SNTB1: variants seen among roughly 807,000 people sequenced by gnomAD.
SNTB1 encodes beta-1-syntrophin.
In SNTB1, 36 loss-of-function variants were observed where a neutral mutation model predicts 48.9. The ratio of observed to expected loss-of-function variants is 0.74; its 90% CI spans 0.56 to 0.97. SNTB1 has a LOEUF of 0.97. SNTB1 is among the 50% of genes least tolerant of loss of function. SNTB1 has a pLI of 0.00. For missense variants in SNTB1, 786 were observed against 703.4 expected (o/e 1.12, Z -1.33); for synonymous variants, 299 against 294.6 (o/e 1.01, Z -0.15).
intron 3 of SNTB1, among the ~76,000 whole-genome samples, chr8:120,625,467 TGCAGAAAAGTGG>T (rs1816858701): frequency 6.6e-6 from 1 of 152,242 alleles, no homozygotes; most frequent in African/African-American, 2.4e-5. Flanking sequence ...TGTGAAGGCA[TGCAGAAAAGTGG>T]GCATATTTCA....
At chr8:120,566,329 CAAAAA>C (rs71306894) in intron 4 of SNTB1, among the ~76,000 whole-genome samples, 2 of 78,294 alleles carry the variant, frequency 2.6e-5, no homozygotes, top group Non-Finnish European at 4.9e-5. Flanking sequence ...GACTCTGTCT[CAAAAA>C]AAAAAAAAAA....
intron 1 of SNTB1, chr8:120,769,627 A>G (rs1819584713): frequency 6.6e-6 from 1 of 152,226 alleles, no homozygotes; most frequent in Non-Finnish European, 1.5e-5. Context: ...CCACATGGAG[A>G]CACTGTACAG....
rs557979527 is a variant in SNTB1, at chr8:120,805,466, G to A, written c.571+5807C>T. On this transcript the variant is annotated intron_variant, in intron 1 of 6. Transcript: ENST00000517992. ...ATTTGATGTGAGAAGGAATTAGACCGCCATTGCAGGCTTTCAAAATGGAAT... is the reference window on the plus strand; with the variant it reads ...ATTTGATGTGAGAAGGAATTAGACCACCATTGCAGGCTTTCAAAATGGAAT... Among the ~76,000 whole-genome samples the A allele has an allele frequency of 2.2e-4, 33 of 152,194 alleles. No homozygotes were observed. In the South Asian group the frequency reaches 3.7e-3, roughly 17 times the overall value.
At chr8:120,728,932 G>A (rs759264142) in intron 1 of SNTB1, among the ~76,000 whole-genome samples, 4 of 151,624 alleles carry the variant, frequency 2.6e-5, no homozygotes, top group Non-Finnish European at 4.4e-5. Context: ...CACAAACCGT[G>A]TATAAATGTT....
At chr8:120,566,937 T>C (rs1243764698) in intron 4 of SNTB1, among the ~76,000 whole-genome samples, 2 of 152,200 alleles carry the variant, frequency 1.3e-5, no homozygotes, top group Non-Finnish European at 2.9e-5. Flanking sequence ...AGAAAACTTT[T>C]ATATATGATA....
chr8:120,626,144 T>C (rs1816878631), intron 3 of SNTB1, among the ~76,000 whole-genome samples: 1 of 152,108 alleles, frequency 6.6e-6, no homozygotes, highest in Non-Finnish European at 1.5e-5. Context: ...GATGAGTAAA[T>C]TGCTATTGTT....
intron 1 of SNTB1, chr8:120,775,264 A>C (rs558200700): frequency 6.6e-6 from 1 of 151,910 alleles, no homozygotes; most frequent in East Asian, 1.9e-4. Context: ...TACCGAAAAA[A>C]CTCATTGCAG....
chr8:120,807,731 C>T (rs1042386462), intron 1 of SNTB1, among the ~76,000 whole-genome samples: 2 of 151,994 alleles, frequency 1.3e-5, no homozygotes, highest in African/African-American at 4.8e-5. Flanking sequence ...CTGATTTGTC[C>T]CCAGCACTTC....
intron 4 of SNTB1, among the ~76,000 whole-genome samples, chr8:120,556,713 G>T (rs765333829): frequency 6.6e-5 from 10 of 152,202 alleles, no homozygotes; most frequent in Non-Finnish European, 1.3e-4. Flanking sequence ...GGCAATAGGA[G>T]TAGCGCCTCC....
intron 5 of SNTB1, 152 bp from the exon 6 acceptor site, chr8:120,542,152 CT>C (rs1413397592): frequency 8.4e-6 from 5 of 598,664 alleles, no homozygotes; most frequent in African/African-American, 1.9e-5. Flanking sequence ...TGAAAATATT[CT>C]GTTTGGATTT....
intron 2 of SNTB1, among the ~76,000 whole-genome samples, chr8:120,677,331 T>C (rs1817853847): frequency 6.6e-6 from 1 of 152,202 alleles, no homozygotes; most frequent in Admixed American, 6.5e-5. Context: ...GCTTCTACAC[T>C]TTCTTAGTGA....
At chr8:120,731,362 C>A (rs766459907) in intron 1 of SNTB1, among the ~76,000 whole-genome samples, 1 of 152,068 alleles carries the variant, frequency 6.6e-6, no homozygotes, top group Admixed American at 6.5e-5. Context: ...AGGAAACACA[C>A]GTGTTCTGTA....
chr8:120,615,162 A>G (rs1051479372), intron 3 of SNTB1, among the ~76,000 whole-genome samples: 2 of 151,982 alleles, frequency 1.3e-5, no homozygotes, highest in Non-Finnish European at 2.9e-5. Flanking sequence ...AACAAAACAA[A>G]AAAAACAAAA....
chr8:120,693,274 G>A (rs1818157874), intron 2 of SNTB1, among the ~76,000 whole-genome samples: 2 of 152,122 alleles, frequency 1.3e-5, no homozygotes, highest in African/African-American at 2.4e-5. Flanking sequence ...CATGAGATTT[G>A]GAGGGGACAA....
chr8:120,660,051 T>A (rs1320955354), intron 2 of SNTB1, among the ~76,000 whole-genome samples: 1 of 152,210 alleles, frequency 6.6e-6, no homozygotes, highest in African/African-American at 2.4e-5. Context: ...AGGCTTTGTT[T>A]TCCATCTATA....
rs146398219 is a variant in SNTB1 at position 120,781,101 on chromosome 8, G to T, written c.571+30172C>A. Among the ~76,000 whole-genome samples, 1,381 of 152,310 alleles carry T rather than the reference G, an allele frequency of 9.1e-3. 7 individuals carry two copies. Among genetic ancestry groups the T allele is most frequent in the Non-Finnish European group, 0.012 (841 of 68,030 alleles). On this transcript the variant is annotated intron_variant, in intron 1 of 6. Transcript: ENST00000517992. ...CATAGAGAATGAGACTCCAAAAGAG[G>T]TCTGTGGACCTACAGGCTATGGGGA...
intron 1 of SNTB1, among the ~76,000 whole-genome samples, chr8:120,801,422 T>C (rs1820224379): frequency 6.6e-6 from 1 of 152,060 alleles, no homozygotes. Flanking sequence ...TTTTATAAAA[T>C]CTATTTGTAA....
chr8:120,618,762 GTTA>G lies in SNTB1; in HGVS notation c.996+13679_996+13681del, dbSNP rs1816752626. Among the ~76,000 whole-genome samples, 3 of 152,176 alleles carry G rather than the reference GTTA, an allele frequency of 2.0e-5. No individual in the cohort carries two copies. In the South Asian group the frequency reaches 6.2e-4, roughly 32 times the overall value. The stretch of plus-strand genomic sequence containing the variant: ...CTGGATGAAATTACCTTTCAACCCA[GTTA>G]TTATTCAAGTTAAAGCCTTGAAGCT... On this transcript the variant is annotated intron_variant, in intron 3 of 6. Coordinates refer to ENST00000517992, the MANE Select transcript of SNTB1 (RefSeq NM_021021.4).
intron 3 of SNTB1, among the ~76,000 whole-genome samples, chr8:120,594,668 C>A (rs1297596972): frequency 2.6e-5 from 4 of 152,148 alleles, no homozygotes; most frequent in Admixed American, 6.6e-5. Flanking sequence ...GCCATGGCAA[C>A]CGGCTGCTCA....
Sources: gnomAD v4.1 joint callset for allele counts (sites outside exome capture counted in the v4.1 genomes callset) on GRCh38, gnomAD v4.1.1 for gene constraint, MANE v1.5 for transcripts, NCBI Gene and HGNC (gene_info 2026-07-23, HGNC 2026-07-21) for gene names.